The following NCAM2 variants were observed in gnomAD, a reference collection of about 807,000 sequenced individuals.
The protein encoded by NCAM2 is N-CAM-2.
A neutral mutation model predicts 98.1 loss-of-function variants in NCAM2; 30 were observed. The observed-to-expected ratio is 0.31, with a 90% CI of 0.23 to 0.41. The LOEUF is 0.41. Ranked by LOEUF, NCAM2 falls within the 10% of genes least tolerant of loss-of-function variation. The pLI is 1.00. For synonymous variants in NCAM2, 368 were observed against 342.4 expected, an observed-to-expected ratio of 1.07 and a Z score of -0.83; for missense variants, 867 against 1,005.8, an observed-to-expected ratio of 0.86 and a Z score of 1.87.
intron 16 of NCAM2, among the ~76,000 whole-genome samples, chr21:21,515,082 A>G (rs552466463): frequency 6.6e-6 from 1 of 152,246 alleles, no homozygotes; most frequent in Admixed American, 6.5e-5. Context: ...TTAATTTTGC[A>G]GATTCATTGA....
At chr21:21,161,880 G>T (rs1289911046) in intron 1 of NCAM2, among the ~76,000 whole-genome samples, 5 of 151,930 alleles carry the variant, frequency 3.3e-5, no homozygotes, top group Non-Finnish European at 5.9e-5. Flanking sequence ...TGTCTATGAG[G>T]ACAAGAAGTA....
chr21:21,337,263 G>C (rs1450534864), intron 7 of NCAM2, among the ~76,000 whole-genome samples: 1 of 151,870 alleles, frequency 6.6e-6, no homozygotes, highest in Non-Finnish European at 1.5e-5. Flanking sequence ...TTACATTTCT[G>C]ATATTTTCAT....
At chr21:21,059,621 T>C (rs1324287129) in intron 1 of NCAM2, among the ~76,000 whole-genome samples, 1 of 152,126 alleles carries the variant, frequency 6.6e-6, no homozygotes, top group Non-Finnish European at 1.5e-5. Context: ...ACAAGCCACA[T>C]TTTATTGACA....
chr21:21,432,027 A>C, intron 11 of NCAM2, 81 bp from the exon 12 acceptor site: 1 of 1,309,710 alleles, frequency 7.6e-7, no homozygotes, highest in Non-Finnish European at 1.1e-6. Context: ...CTTCACTCCT[A>C]GTTCTCATAA....
Position 21,094,551 on chromosome 21 carries a change from T to G in NCAM2, c.55+95933T>G, listed in dbSNP as rs934489564. On this transcript the variant is annotated intron_variant, in intron 1 of 17. Coordinates refer to ENST00000400546, the MANE Select transcript of NCAM2 (RefSeq NM_004540.5). ...ATTTATCTTCTAGATAAACTGTTAT[T>G]TAGAATTGCATGTGTAATTCAATAA... is the stretch of plus-strand genomic sequence containing the variant. Among the ~76,000 whole-genome samples, 67 of 151,802 alleles carry G rather than the reference T, an allele frequency of 4.4e-4. 1 individual carries two copies. Among genetic ancestry groups the G allele is most frequent in the Non-Finnish European group, 5.9e-5 (4 of 67,816 alleles).
At chr21:21,410,557 A>G (rs1263450220) in intron 10 of NCAM2, 96 bp downstream of exon 10, 4 of 606,510 alleles carry the variant, frequency 6.6e-6, no homozygotes, top group Admixed American at 4.1e-5. Flanking sequence ...ATATATATAT[A>G]TAATAAGAGA....
chr21:21,061,838 G>T (rs2065329736), intron 1 of NCAM2, among the ~76,000 whole-genome samples: 1 of 152,042 alleles, frequency 6.6e-6, no homozygotes, highest in Non-Finnish European at 1.5e-5. Flanking sequence ...TAAAAATTAT[G>T]TATTCACTTA....
intron 9 of NCAM2, among the ~76,000 whole-genome samples, chr21:21,402,650 TC>T: frequency 6.6e-6 from 1 of 152,108 alleles, no homozygotes; most frequent in Non-Finnish European, 1.5e-5. Flanking sequence ...CCTTTTGAAA[TC>T]CCTAATAAAA....
intron 16 of NCAM2, among the ~76,000 whole-genome samples, chr21:21,511,872 G>T (rs1300502607): frequency 6.6e-6 from 1 of 151,842 alleles, no homozygotes; most frequent in Non-Finnish European, 1.5e-5. Flanking sequence ...TTGTATACTT[G>T]CTGTCTACTT....
intron 1 of NCAM2, among the ~76,000 whole-genome samples, chr21:21,129,152 A>G (rs2066885891): frequency 6.6e-6 from 1 of 152,208 alleles, no homozygotes; most frequent in African/African-American, 2.4e-5. Flanking sequence ...ATTAGTCTTT[A>G]TAATGTGAAA....
chr21:21,516,999 T>C (rs543836824), intron 16 of NCAM2, among the ~76,000 whole-genome samples: 8 of 152,298 alleles, frequency 5.3e-5, no homozygotes, highest in African/African-American at 1.9e-4. Context: ...CTGGTCCTTA[T>C]CATTCTCTTG....
intron 1 of NCAM2, among the ~76,000 whole-genome samples, chr21:21,098,145 A>G (rs949324946): frequency 2.0e-5 from 3 of 150,824 alleles, no homozygotes; most frequent in Non-Finnish European, 4.4e-5. Context: ...CACATATTAT[A>G]TAGTTTTAAA....
chr21:21,151,941 T>C (rs1271707815), intron 1 of NCAM2, among the ~76,000 whole-genome samples: 1 of 152,060 alleles, frequency 6.6e-6, no homozygotes, highest in Admixed American at 6.6e-5. Context: ...CTCATTATAA[T>C]TTCTTTATGT....
intron 1 of NCAM2, among the ~76,000 whole-genome samples, chr21:21,276,122 C>T (rs1366125443): frequency 6.6e-6 from 1 of 151,872 alleles, no homozygotes; most frequent in African/African-American, 2.4e-5. Context: ...GTTTCATTGT[C>T]GTCTATAAAG....
intron 1 of NCAM2, among the ~76,000 whole-genome samples, chr21:21,239,882 A>G: frequency 6.6e-6 from 1 of 152,100 alleles, no homozygotes; most frequent in East Asian, 1.9e-4. Context: ...ATAAATGCTA[A>G]TTGTGTTGGG....
chr21:21,375,679 T>A (rs902185487), intron 9 of NCAM2, among the ~76,000 whole-genome samples: 1 of 151,788 alleles, frequency 6.6e-6, no homozygotes, highest in Non-Finnish European at 1.5e-5. Flanking sequence ...TTAATTAAAA[T>A]TTGTTTATTT....
In NCAM2 at chr21:21,109,751, G is replaced by C. The variant is rs544102937; in HGVS notation, c.55+111133G>C. Among the ~76,000 whole-genome samples the C allele has an allele frequency of 2.9e-4, 44 of 152,248 alleles. 1 individual carries two copies. The South Asian group carries it at 9.1e-3, about 32-fold the overall frequency. ...ATTTTCTGTTTCTCAACTGTTAACT[G>C]TTTGACGATAGTAAGAGTGTCTAAT... On this transcript the variant is annotated intron_variant, in intron 1 of 17. Transcript: ENST00000400546.
chr21:21,200,246 A>T (rs1178999067), intron 1 of NCAM2, among the ~76,000 whole-genome samples: 1 of 152,238 alleles, frequency 6.6e-6, no homozygotes, highest in African/African-American at 2.4e-5. Flanking sequence ...ACTTTGAAAA[A>T]GATGACACTT....
intron 1 of NCAM2, among the ~76,000 whole-genome samples, chr21:21,150,479 T>C (rs1269160063): frequency 1.3e-5 from 2 of 152,108 alleles, no homozygotes; most frequent in Non-Finnish European, 2.9e-5. Flanking sequence ...ATGTAGACTT[T>C]TAAAAGAGAT....
Sources: gnomAD v4.1 joint callset for allele counts (sites outside exome capture counted in the v4.1 genomes callset) on GRCh38, gnomAD v4.1.1 for gene constraint, MANE v1.5 for transcripts, NCBI Gene and HGNC (gene_info 2026-07-23, HGNC 2026-07-21) for gene names.